Variants in TIMP3 observed in about 807,000 individuals in gnomAD.
The protein encoded by TIMP3 is metalloproteinase inhibitor 3.
In TIMP3, 11 loss-of-function variants were observed where a neutral mutation model predicts 30.0. That is an observed-to-expected ratio of 0.37 (90% CI 0.23 to 0.61). The LOEUF is 0.61. TIMP3 is among the 20% of genes least tolerant of loss of function. TIMP3 has a pLI of 0.70. For synonymous variants in TIMP3, 112 were observed against 111.3 expected (o/e 1.01, Z -0.04); for missense variants, 181 against 276.8 (o/e 0.65, Z 2.45).
intron 2 of TIMP3, among the ~76,000 whole-genome samples, chr22:32,853,996 C>T (rs755868698): frequency 3.3e-5 from 5 of 152,144 alleles, no homozygotes; most frequent in African/African-American, 4.8e-5. Flanking sequence ...GATTAGATTA[C>T]CTTTAACATC....
chr22:32,820,631 T>G (rs1177768614), intron 1 of TIMP3, among the ~76,000 whole-genome samples: 1 of 152,172 alleles, frequency 6.6e-6, no homozygotes, highest in East Asian at 1.9e-4. Flanking sequence ...TGCTTAGGGT[T>G]GGGCAGGGGC....
chr22:32,821,436 G>T (rs2047243654), intron 1 of TIMP3, among the ~76,000 whole-genome samples: 1 of 152,204 alleles, frequency 6.6e-6, no homozygotes, highest in African/African-American at 2.4e-5. Flanking sequence ...AGTCAAAGAA[G>T]GTGGGTGTGG....
chr22:32,802,061 C>T lies in TIMP3; in HGVS notation c.60C>T (p.Gly20=). The change falls in exon 1 of 5, where the codon GGC becomes GGT. Residue 20 remains glycine, a synonymous_variant. Coordinates refer to ENST00000266085, the MANE Select transcript of TIMP3 (RefSeq NM_000362.5). ...GCAGCTGGAGCCTGGGGGACTGGGGCGCCGAGGCGTGCACATGCTCGCCCA... is the reference window on the plus strand; with the variant it reads ...GCAGCTGGAGCCTGGGGGACTGGGGTGCCGAGGCGTGCACATGCTCGCCCA... ...LLGSWSLGDW[G]AEACTCSPSH... The T allele has an allele frequency of 1.3e-6, 2 of 1,576,498 alleles. No homozygotes were observed. The highest frequency in any genetic ancestry group is 1.7e-4 in the Middle Eastern group (1 of 6,028).
chr22:32,843,506 T>C (rs1433763388), intron 1 of TIMP3, among the ~76,000 whole-genome samples: 3 of 152,276 alleles, frequency 2.0e-5, no homozygotes, highest in Non-Finnish European at 4.4e-5. Flanking sequence ...GCCTTTGCCA[T>C]GAGCACTCCG....
chr22:32,855,836 A>C (rs985590708), intron 2 of TIMP3, among the ~76,000 whole-genome samples: 1 of 152,212 alleles, frequency 6.6e-6, no homozygotes, highest in Non-Finnish European at 1.5e-5. Context: ...CCACTGTATT[A>C]GATTATGTCG....
At chr22:32,849,595 G>A (rs766582202) in intron 2 of TIMP3, 61 bp downstream of exon 2, 84 of 1,457,238 alleles carry the variant, frequency 5.8e-5, no homozygotes, top group Non-Finnish European at 7.4e-5. Flanking sequence ...GAAGAGTCCT[G>A]GCTAAGGGAG....
At chr22:32,848,358 AAG>A (rs1376442210) in intron 1 of TIMP3, among the ~76,000 whole-genome samples, 3 of 152,222 alleles carry the variant, frequency 2.0e-5, no homozygotes, top group Non-Finnish European at 4.4e-5. Context: ...CCCTGATGTA[AAG>A]AGAGTTATAC....
chr22:32,825,636 C>T (rs1489013216), intron 1 of TIMP3, among the ~76,000 whole-genome samples: 5 of 114,050 alleles, frequency 4.4e-5, no homozygotes, highest in South Asian at 3.0e-4. Context: ...CCAGCCTGGG[C>T]GACAGAGCGA....
intron 2 of TIMP3, among the ~76,000 whole-genome samples, chr22:32,853,435 C>T (rs879416220): frequency 2.6e-5 from 4 of 152,228 alleles, no homozygotes; most frequent in Non-Finnish European, 5.9e-5. Context: ...TGAGGCAACT[C>T]ATGCTGTCAA....
At chr22:32,852,131 T>C (rs1171008362) in intron 2 of TIMP3, among the ~76,000 whole-genome samples, 1 of 152,216 alleles carries the variant, frequency 6.6e-6, no homozygotes, top group Non-Finnish European at 1.5e-5. Context: ...GTAAAATAGA[T>C]AACACCTTGT....
At chr22:32,815,019 A>G (rs925000580) in intron 1 of TIMP3, among the ~76,000 whole-genome samples, 8 of 152,232 alleles carry the variant, frequency 5.3e-5, no homozygotes, top group Non-Finnish European at 5.9e-5. Context: ...AGTTTTTGAC[A>G]TCCATTATGT....
intron 2 of TIMP3, 100 bp from the exon 3 acceptor site, chr22:32,857,149 G>A (rs772081144): frequency 7.7e-6 from 7 of 911,966 alleles, no homozygotes; most frequent in East Asian, 7.3e-5. Flanking sequence ...TCCATATTCC[G>A]ATTTCCTTTC....
Position 32,857,294 on chromosome 22 carries a change from A to G in TIMP3, c.250A>G (p.Thr84Ala). 1 of 1,613,990 alleles carries G rather than the reference A, an allele frequency of 6.2e-7. No individual in the cohort carries two copies. The highest frequency in any genetic ancestry group is 8.5e-7 in the Non-Finnish European group (1 of 1,179,930). ...TKMPHVQYIH[T>A]EASESLCGLK... Reference sequence around the variant, plus strand: ...GATGCCCCATGTGCAGTACATCCATACGGAAGCTTCCGAGAGTCTCTGTGG... The same window carrying G: ...GATGCCCCATGTGCAGTACATCCATGCGGAAGCTTCCGAGAGTCTCTGTGG... The change falls in exon 3 of 5, where the codon ACG (threonine) becomes GCG (alanine). Residue 84 changes from threonine (T) to alanine (A), a missense_variant. Physicochemically the swap from Thr to Ala is moderately conservative, Grantham distance 58. Transcript: ENST00000266085.
chr22:32,827,255 C>T (rs1432615375), intron 1 of TIMP3, among the ~76,000 whole-genome samples: 2 of 152,208 alleles, frequency 1.3e-5, no homozygotes, highest in African/African-American at 4.8e-5. Context: ...CCCTGTCTGG[C>T]ACCAGCAGCA....
chr22:32,814,218 G>A (rs1295871459), intron 1 of TIMP3, among the ~76,000 whole-genome samples: 1 of 108,966 alleles, frequency 9.2e-6, no homozygotes, highest in Non-Finnish European at 1.9e-5. Flanking sequence ...AACAAAGAAA[G>A]GAAAGAAAGA....
chr22:32,849,184 G>C (rs956830842), intron 1 of TIMP3, among the ~76,000 whole-genome samples: 1 of 152,124 alleles, frequency 6.6e-6, no homozygotes, highest in African/African-American at 2.4e-5. Context: ...GGGTCGGCGG[G>C]GGTTGACTAT....
chr22:32,858,836 C>T (rs868370248), intron 4 of TIMP3, among the ~76,000 whole-genome samples: 20 of 152,196 alleles, frequency 1.3e-4, no homozygotes, highest in Middle Eastern at 3.4e-3. Context: ...TCTAATTCCT[C>T]GATTCCCTAA....
intron 1 of TIMP3, among the ~76,000 whole-genome samples, chr22:32,824,332 T>C (rs2146083663): frequency 7.1e-6 from 1 of 141,208 alleles, no homozygotes; most frequent in African/African-American, 2.6e-5. Context: ...GAGCCAGCAG[T>C]TCCATCAGTG....
chr22:32,814,844 C>T (rs376965234), intron 1 of TIMP3, among the ~76,000 whole-genome samples: 3 of 151,892 alleles, frequency 2.0e-5, no homozygotes, highest in African/African-American at 7.3e-5. Context: ...TGTGGCTACA[C>T]GTGAGCCATG....
Sources: gnomAD v4.1 joint callset for allele counts (sites outside exome capture counted in the v4.1 genomes callset) on GRCh38, gnomAD v4.1.1 for gene constraint, MANE v1.5 for transcripts, NCBI Gene and HGNC (gene_info 2026-07-23, HGNC 2026-07-21) for gene names.